CHST11: variants seen among roughly 807,000 people sequenced by gnomAD.
The protein encoded by CHST11 is carbohydrate sulfotransferase 11.
A neutral mutation model predicts 30.4 loss-of-function variants in CHST11; 9 were observed. That is an observed-to-expected ratio of 0.30 (90% CI 0.18 to 0.52). The LOEUF (loss-of-function observed/expected upper bound fraction) is 0.52, where lower values mean the gene tolerates loss of function less well. Ranked by LOEUF, CHST11 falls within the 20% of genes least tolerant of loss-of-function variation. CHST11 has a pLI of 0.97. For missense variants in CHST11, 348 were observed against 460.6 expected, an observed-to-expected ratio of 0.76 and a Z score of 2.24; for synonymous variants, 152 against 187.8, an observed-to-expected ratio of 0.81 and a Z score of 1.56.
chr12:104,673,493 T>G (rs539952356), intron 2 of CHST11, among the ~76,000 whole-genome samples: 1 of 152,206 alleles, frequency 6.6e-6, no homozygotes, highest in Non-Finnish European at 1.5e-5. Context: ...AAAATGGGAA[T>G]GATAATAGTA....
intron 2 of CHST11, among the ~76,000 whole-genome samples, chr12:104,625,444 A>G (rs2039204279): frequency 6.6e-6 from 1 of 152,152 alleles, no homozygotes; most frequent in African/African-American, 2.4e-5. Context: ...ACCTGGGATT[A>G]CATGTGCCCA....
Position 104,656,624 on chromosome 12 carries a change from A to C in CHST11, c.204+54633A>C, listed in dbSNP as rs543424674. 2.0e-5 allele frequency among the ~76,000 whole-genome samples: 3 copies of C among 152,240 alleles called. No homozygotes were observed. The East Asian group carries it at 5.8e-4, about 29-fold the overall frequency. On this transcript the variant is annotated intron_variant, in intron 2 of 2. Coordinates refer to ENST00000303694, the MANE Select transcript of CHST11 (RefSeq NM_018413.6). ...GCAGGACATTCCCAGCCCCAGACTT[A>C]CTGCGACTGGTCTCACTAACGCACA...
At chr12:104,753,716 T>C (rs376285251) in intron 2 of CHST11, among the ~76,000 whole-genome samples, 2 of 152,356 alleles carry the variant, frequency 1.3e-5, no homozygotes, top group Admixed American at 6.5e-5. Context: ...AACTGGGCTC[T>C]ACCCAACATT....
intron 1 of CHST11, among the ~76,000 whole-genome samples, chr12:104,462,729 T>G (rs1253338053): frequency 6.6e-6 from 1 of 152,132 alleles, no homozygotes; most frequent in Non-Finnish European, 1.5e-5. Flanking sequence ...CACTGAAGGA[T>G]CTCATGTACC....
chr12:104,747,143 A>G (rs543634182), intron 2 of CHST11, among the ~76,000 whole-genome samples: 4 of 152,230 alleles, frequency 2.6e-5, no homozygotes, highest in Non-Finnish European at 5.9e-5. Flanking sequence ...CTCAGTGTTT[A>G]AAGCTCTCCT....
At chr12:104,711,398 A>G (rs2040086585) in intron 2 of CHST11, among the ~76,000 whole-genome samples, 1 of 152,238 alleles carries the variant, frequency 6.6e-6, no homozygotes, top group Non-Finnish European at 1.5e-5. Flanking sequence ...TCAGCGTCAC[A>G]TGGAGATGGT....
chr12:104,743,034 C>T (rs916912495), intron 2 of CHST11, among the ~76,000 whole-genome samples: 3 of 152,236 alleles, frequency 2.0e-5, no homozygotes, highest in African/African-American at 7.2e-5. Context: ...CACGAGGCCT[C>T]ATTGGCCGTC....
chr12:104,487,597 T>A (rs2037694309), intron 1 of CHST11, among the ~76,000 whole-genome samples: 1 of 152,244 alleles, frequency 6.6e-6, no homozygotes, highest in Admixed American at 6.5e-5. Context: ...GATGTTTTCA[T>A]TGTCCTTATT....
chr12:104,727,543 T>C (rs1170434726), intron 2 of CHST11, among the ~76,000 whole-genome samples: 1 of 152,180 alleles, frequency 6.6e-6, no homozygotes, highest in East Asian at 1.9e-4. Flanking sequence ...TTTTGGGTAT[T>C]GGTAGAGTGG....
chr12:104,662,425 T>C (rs935087025), intron 2 of CHST11, among the ~76,000 whole-genome samples: 4 of 152,260 alleles, frequency 2.6e-5, no homozygotes, highest in African/African-American at 9.6e-5. Context: ...TCCTCCTCCT[T>C]ATCATTGCGG....
intron 1 of CHST11, among the ~76,000 whole-genome samples, chr12:104,499,647 C>G (rs531498377): frequency 1.3e-5 from 2 of 152,176 alleles, no homozygotes; most frequent in South Asian, 4.2e-4. Flanking sequence ...ACACTTAAGT[C>G]TGGACAGCAG....
At chr12:104,693,862 G>A (rs780423611) in intron 2 of CHST11, among the ~76,000 whole-genome samples, 9 of 152,084 alleles carry the variant, frequency 5.9e-5, no homozygotes, top group Admixed American at 1.3e-4. Flanking sequence ...CTCTGGGACC[G>A]CTTATATAAA....
intron 1 of CHST11, among the ~76,000 whole-genome samples, chr12:104,499,391 T>A (rs2037830970): frequency 7.9e-6 from 1 of 126,494 alleles, no homozygotes; most frequent in Non-Finnish European, 1.7e-5. Context: ...TGGAAAGGGA[T>A]GAATTAGGGA....
At chr12:104,509,922 G>A (rs1179822494) in intron 1 of CHST11, among the ~76,000 whole-genome samples, 1 of 152,182 alleles carries the variant, frequency 6.6e-6, no homozygotes, top group African/African-American at 2.4e-5. Flanking sequence ...TCTTGGTTGG[G>A]GAACTCTCCT....
chr12:104,692,169 G>A (rs1052704237), intron 2 of CHST11, among the ~76,000 whole-genome samples: 12 of 152,294 alleles, frequency 7.9e-5, no homozygotes, highest in South Asian at 2.1e-4. Context: ...CCTGTTCACC[G>A]TCTCTGCAGT....
intron 2 of CHST11, among the ~76,000 whole-genome samples, chr12:104,693,312 A>G (rs893759075): frequency 1.2e-4 from 18 of 152,262 alleles, no homozygotes; most frequent in Admixed American, 4.6e-4. Flanking sequence ...GTGTGACACC[A>G]CTGAAAAATG....
intron 2 of CHST11, among the ~76,000 whole-genome samples, chr12:104,724,924 G>A (rs1320365195): frequency 1.3e-5 from 2 of 152,142 alleles, no homozygotes; most frequent in Non-Finnish European, 2.9e-5. Flanking sequence ...TTTAACTAGT[G>A]TTCTGTATTT....
chr12:104,551,822 G>A (rs1173953200), intron 1 of CHST11, among the ~76,000 whole-genome samples: 3 of 152,244 alleles, frequency 2.0e-5, no homozygotes, highest in Admixed American at 6.5e-5. Flanking sequence ...TAGGTGTGGG[G>A]CAGCTGTGGG....
At chr12:104,711,083 G>T (rs1485065915) in intron 2 of CHST11, among the ~76,000 whole-genome samples, 2 of 152,032 alleles carry the variant, frequency 1.3e-5, no homozygotes, top group African/African-American at 4.8e-5. Flanking sequence ...TTTGCGTGGG[G>T]GGTGTATATT....
Sources: allele counts gnomAD v4.1 joint callset (sites outside exome capture counted in the v4.1 genomes callset), GRCh38; gene constraint gnomAD v4.1.1; transcripts MANE v1.5; gene names NCBI Gene and HGNC (gene_info 2026-07-23, HGNC 2026-07-21).